The following COX10 variants were observed in gnomAD, a reference collection of about 807,000 sequenced individuals.
The protein encoded by COX10 is protoheme IX farnesyltransferase, mitochondrial.
Under a neutral mutation model 37.3 loss-of-function variants are expected in COX10, and 27 were observed. The observed-to-expected ratio is 0.72, with a 90% confidence interval of 0.53 to 1.00. The LOEUF is 1.00. COX10 is among the 50% of genes least tolerant of loss of function. The probability of loss-of-function intolerance (pLI) is 0.00; values close to 1 mark genes in which losing one functional copy is unlikely to be tolerated. For synonymous variants in COX10, 222 were observed against 229.1 expected, an observed-to-expected ratio of 0.97 and a Z score of 0.28; for missense variants, 475 against 563.2, an observed-to-expected ratio of 0.84 and a Z score of 1.59.
chr17:14,135,026 A>G (rs539214542), intron 4 of COX10, among the ~76,000 whole-genome samples: 1 of 151,768 alleles, frequency 6.6e-6, no homozygotes, highest in African/African-American at 2.4e-5. Context: ...AGACAACAGT[A>G]TATAACGATG....
chr17:14,080,902 C>A (rs924606010), intron 3 of COX10, among the ~76,000 whole-genome samples: 4 of 151,786 alleles, frequency 2.6e-5, no homozygotes, highest in Non-Finnish European at 5.9e-5. Context: ...GGTTTCATCA[C>A]CCTGTGGTTA....
intron 3 of COX10, among the ~76,000 whole-genome samples, chr17:14,079,442 G>A (rs936422829): frequency 5.9e-5 from 9 of 152,172 alleles, no homozygotes; most frequent in Non-Finnish European, 8.8e-5. Flanking sequence ...GCTGCACTGG[G>A]ACTATGAGTA....
At chr17:14,165,117 A>C (rs1168939776) in intron 5 of COX10, among the ~76,000 whole-genome samples, 1 of 152,224 alleles carries the variant, frequency 6.6e-6, no homozygotes, top group African/African-American at 2.4e-5. Context: ...GCAAATTGGC[A>C]TTGCTTCTTT....
In COX10 at chr17:14,208,167, A is replaced by C. The variant is rs1322465929; in HGVS notation, c.*954A>C. 6.6e-6 allele frequency: 1 copy of C among 152,244 alleles called. No individual in the cohort carries two copies. The highest frequency in any genetic ancestry group is 2.4e-5 in the African/African-American group (1 of 41,462). 9.4% of individuals were successfully genotyped at this position (152,244 alleles called of 1,614,324 possible). ...TCCCTTGGGTGAAAAATACATGTCC[A>C]TCCTGATATCTCCTGAATTCAGAAA... On this transcript the variant is annotated 3_prime_UTR_variant, in exon 7 of 7. Transcript: ENST00000261643.
At chr17:14,110,899 A>T (rs1915994493) in intron 4 of COX10, among the ~76,000 whole-genome samples, 1 of 152,080 alleles carries the variant, frequency 6.6e-6, no homozygotes, top group African/African-American at 2.4e-5. Flanking sequence ...CGATGCCTTC[A>T]TATGTATTTT....
Position 14,125,256 on chromosome 17 carries a change from G to A in COX10, c.624+23014G>A, listed in dbSNP as rs1401880201. Reference sequence around the variant, plus strand: ...TCTACTGCTACAGCTGATAGGAAGCGACAGCATGCCTGTTTTGCACAACAT... The same window carrying A: ...TCTACTGCTACAGCTGATAGGAAGCAACAGCATGCCTGTTTTGCACAACAT... On this transcript the variant is annotated intron_variant, in intron 4 of 6. Transcript: ENST00000261643. 3.9e-5 allele frequency among the ~76,000 whole-genome samples: 6 copies of A among 152,142 alleles called. No individual in the cohort carries two copies. The East Asian group carries it at 1.2e-3, about 29-fold the overall frequency.
At position 14,103,309 on chromosome 17, in the gene COX10, G is replaced by A. The variant is rs149119662; in HGVS notation, c.624+1067G>A. Among the ~76,000 whole-genome samples the A allele has an allele frequency of 5.1e-3, 777 of 152,124 alleles. 3 individuals carry two copies. Among genetic ancestry groups the A allele is most frequent in the Middle Eastern group, 0.024 (7 of 294 alleles). On this transcript the variant is annotated intron_variant, in intron 4 of 6. Transcript: ENST00000261643. ...ATGAACATATTTTTAATGAAAATGCGAATGAAAAGCAATATAAGCCAAATT... is the reference window on the plus strand; with the variant it reads ...ATGAACATATTTTTAATGAAAATGCAAATGAAAAGCAATATAAGCCAAATT...
At chr17:14,153,036 C>T (rs9905446) in intron 4 of COX10, among the ~76,000 whole-genome samples, 62,468 of 151,646 alleles carry the variant, frequency 0.41, 13,106 homozygotes, top group African/African-American at 0.51. Flanking sequence ...CCACATCTCA[C>T]GTAAGCTTCT....
intron 4 of COX10, among the ~76,000 whole-genome samples, chr17:14,103,323 A>G (rs1915828188): frequency 6.6e-6 from 1 of 152,172 alleles, no homozygotes; most frequent in South Asian, 2.1e-4. Flanking sequence ...GAAAAGCAAT[A>G]TAAGCCAAAT....
At chr17:14,185,730 G>A (rs1208669426) in intron 5 of COX10, among the ~76,000 whole-genome samples, 2 of 122,820 alleles carry the variant, frequency 1.6e-5, no homozygotes, top group Non-Finnish European at 3.6e-5. Context: ...ATATTCTAAA[G>A]AAAATCCTCT....
intron 4 of COX10, among the ~76,000 whole-genome samples, chr17:14,104,786 G>T (rs1198467278): frequency 1.3e-5 from 2 of 152,098 alleles, no homozygotes; most frequent in Non-Finnish European, 2.9e-5. Context: ...GAGAGAAAAT[G>T]AAATTCAGCT....
intron 4 of COX10, among the ~76,000 whole-genome samples, chr17:14,119,977 G>GC (rs1327971023): frequency 3.9e-5 from 6 of 152,152 alleles, no homozygotes; most frequent in Non-Finnish European, 2.9e-5. Flanking sequence ...AAAAGGTGAT[G>GC]ATGCTTTACA....
At chr17:14,088,453 T>A (rs1915459725) in intron 3 of COX10, among the ~76,000 whole-genome samples, 2 of 152,106 alleles carry the variant, frequency 1.3e-5, no homozygotes, top group Non-Finnish European at 1.5e-5. Context: ...AAAAAAAAAA[T>A]TTAGCTAGGC....
At chr17:14,134,021 C>T (rs1916523425) in intron 4 of COX10, among the ~76,000 whole-genome samples, 1 of 151,564 alleles carries the variant, frequency 6.6e-6, no homozygotes, top group South Asian at 2.1e-4. Flanking sequence ...TGTTTCTGAA[C>T]TCTTTTGGTT....
chr17:14,117,621 C>T (rs1379553470), intron 4 of COX10, among the ~76,000 whole-genome samples: 2 of 152,168 alleles, frequency 1.3e-5, no homozygotes, highest in Non-Finnish European at 2.9e-5. Flanking sequence ...GGGGAACATG[C>T]AGACAGGCAG....
At chr17:14,160,050 A>G (rs1567604585) in intron 5 of COX10, 103 bp downstream of exon 5, 3 of 1,010,522 alleles carry the variant, frequency 3.0e-6, no homozygotes. Flanking sequence ...AAGTGGAAAT[A>G]AAATACCCAC....
chr17:14,083,243 T>G (rs1316134774), intron 3 of COX10, among the ~76,000 whole-genome samples: 1 of 152,220 alleles, frequency 6.6e-6, no homozygotes, highest in Non-Finnish European at 1.5e-5. Context: ...TTCTGCTTAT[T>G]CCATTTAAAG....
chr17:14,074,127 C>T (rs1338455984), intron 1 of COX10, among the ~76,000 whole-genome samples, 196 bp from the exon 2 acceptor site: 2 of 152,160 alleles, frequency 1.3e-5, no homozygotes, highest in Non-Finnish European at 2.9e-5. Flanking sequence ...TGAAGACCTA[C>T]ACGGACTTAA....
At chr17:14,170,043 C>G (rs917565808) in intron 5 of COX10, among the ~76,000 whole-genome samples, 4 of 152,148 alleles carry the variant, frequency 2.6e-5, no homozygotes, top group African/African-American at 9.7e-5. Context: ...TGTCTGCTTC[C>G]CTGTTGACCT....
Sources: gnomAD v4.1 joint callset for allele counts (sites outside exome capture counted in the v4.1 genomes callset) on GRCh38, gnomAD v4.1.1 for gene constraint, MANE v1.5 for transcripts, NCBI Gene and HGNC (gene_info 2026-07-23, HGNC 2026-07-21) for gene names.